Variants in GYPC observed in about 807,000 individuals in gnomAD.
GYPC encodes glycophorin C (Gerbich blood group).
In GYPC, 14 loss-of-function variants were observed where a neutral mutation model predicts 12.6. The observed-to-expected ratio is 1.11, with a 90% CI of 0.74 to 1.74. The LOEUF (loss-of-function observed/expected upper bound fraction) is 1.74, where lower values mean the gene tolerates loss of function less well. Among genes scored for constraint, GYPC ranks in the 40% most tolerant of loss-of-function variants. The pLI, the probability that GYPC is intolerant of heterozygous loss-of-function variation, is 0.00. For missense variants in GYPC, 225 were observed against 172.1 expected (o/e 1.31, Z -1.72); for synonymous variants, 78 against 62.1 (o/e 1.26, Z -1.20).
chr2:126,660,167 C>G (rs1418906149), intron 1 of GYPC, among the ~76,000 whole-genome samples: 1 of 152,214 alleles, frequency 6.6e-6, no homozygotes, highest in African/African-American at 2.4e-5. Flanking sequence ...TGCTGTGGCT[C>G]TGCACACTGA....
intron 2 of GYPC, among the ~76,000 whole-genome samples, chr2:126,691,791 A>T (rs1227828538): frequency 6.6e-6 from 1 of 152,202 alleles, no homozygotes; most frequent in Non-Finnish European, 1.5e-5. Context: ...GGAAGAGGAA[A>T]TAACAGTCTC....
intron 1 of GYPC, among the ~76,000 whole-genome samples, chr2:126,676,367 A>G (rs1682994853): frequency 6.6e-6 from 1 of 152,240 alleles, no homozygotes; most frequent in Non-Finnish European, 1.5e-5. Context: ...AAACAGCAGG[A>G]CTGGGCCAAT....
intron 1 of GYPC, chr2:126,686,725 T>A (rs980747984): frequency 5.1e-6 from 5 of 983,006 alleles, no homozygotes; most frequent in Admixed American, 1.2e-4. Flanking sequence ...GCTTGGGTCT[T>A]TCCAAAAAAT....
chr2:126,669,438 C>A (rs940665015), intron 1 of GYPC, among the ~76,000 whole-genome samples: 15 of 152,122 alleles, frequency 9.9e-5, no homozygotes, highest in Admixed American at 8.5e-4. Context: ...CCACCCCTCC[C>A]TCATATGTGC....
At chr2:126,680,933 T>C (rs1683134121) in intron 1 of GYPC, among the ~76,000 whole-genome samples, 1 of 152,096 alleles carries the variant, frequency 6.6e-6, no homozygotes, top group Non-Finnish European at 1.5e-5. Flanking sequence ...AGGCATCCAG[T>C]GGGAACCTGG....
chr2:126,691,871 C>G (rs13432961), intron 2 of GYPC, among the ~76,000 whole-genome samples: 46,928 of 151,982 alleles, frequency 0.31, 7,424 homozygotes, highest in Middle Eastern at 0.4. Context: ...TTTCTGAGGG[C>G]AGTTCTGGGT....
intron 2 of GYPC, among the ~76,000 whole-genome samples, chr2:126,691,315 A>C (rs1010135533): frequency 6.6e-6 from 1 of 152,074 alleles, no homozygotes; most frequent in African/African-American, 2.4e-5. Flanking sequence ...GTCCTGAGTG[A>C]TCTGACCCCT....
chr2:126,671,582 C>G (rs78412802), intron 1 of GYPC, among the ~76,000 whole-genome samples: 29 of 152,334 alleles, frequency 1.9e-4, no homozygotes, highest in African/African-American at 6.3e-4. Flanking sequence ...CAGTCATAAC[C>G]TGGTAGCTCC....
intron 2 of GYPC, among the ~76,000 whole-genome samples, chr2:126,690,518 C>T (rs35850561): frequency 6.6e-6 from 1 of 152,086 alleles, no homozygotes; most frequent in Non-Finnish European, 1.5e-5. Flanking sequence ...GAGGAGTCTA[C>T]CCCTGGGTAA....
At chr2:126,673,044 T>TACCCAGAAGGGTATTGGGAG (rs919638798) in intron 1 of GYPC, among the ~76,000 whole-genome samples, 1 of 152,016 alleles carries the variant, frequency 6.6e-6, no homozygotes, top group Non-Finnish European at 1.5e-5. Context: ...AGGATCCTAA[T>TACCCAGAAGGGTATTGGGAG]ACCCAGAAGG....
At chr2:126,685,810 C>CAA (rs1310938622) in intron 1 of GYPC, 3 of 985,140 alleles carry the variant, frequency 3.0e-6, no homozygotes, top group Non-Finnish European at 3.6e-6. Context: ...CTGTCATCAA[C>CAA]AAGGTTTGTC....
In GYPC at chr2:126,665,897, G is replaced by A. The variant is rs557372113; in HGVS notation, c.49+9585G>A. On this transcript the variant is annotated intron_variant, in intron 1 of 3. Coordinates refer to ENST00000259254, the MANE Select transcript of GYPC (RefSeq NM_002101.5). ...GTGCTTCCCTGTGCATCACTGACAC[G>A]CTCTCTCCTGGAAGCCAGGTGTGTC... Among the ~76,000 whole-genome samples, 7 of 152,264 alleles carry A rather than the reference G, an allele frequency of 4.6e-5. No homozygotes were observed. The East Asian group carries it at 1.2e-3, about 25-fold the overall frequency.
At chr2:126,694,510 A>G (rs1683584192) in intron 3 of GYPC, among the ~76,000 whole-genome samples, 1 of 152,076 alleles carries the variant, frequency 6.6e-6, no homozygotes, top group Admixed American at 6.5e-5. Flanking sequence ...CAGCTTATTA[A>G]TAACTCAGGA....
intron 1 of GYPC, among the ~76,000 whole-genome samples, chr2:126,660,629 G>A (rs537864290): frequency 6.6e-6 from 1 of 152,266 alleles, no homozygotes; most frequent in Admixed American, 6.5e-5. Flanking sequence ...GTCACAGACA[G>A]GGGTTTGCTG....
chr2:126,660,501 G>C (rs550297182), intron 1 of GYPC, among the ~76,000 whole-genome samples: 1 of 152,144 alleles, frequency 6.6e-6, no homozygotes, highest in Non-Finnish European at 1.5e-5. Context: ...CCTAGAAAAC[G>C]ACCCACCACA....
At chr2:126,656,616 G>A (rs1194578967) in intron 1 of GYPC, among the ~76,000 whole-genome samples, 2 of 152,260 alleles carry the variant, frequency 1.3e-5, no homozygotes, top group African/African-American at 4.8e-5. Flanking sequence ...CTTTGTGCGG[G>A]GCATGTGAAA....
At chr2:126,684,121 C>CAATT (rs1301567280) in intron 1 of GYPC, among the ~76,000 whole-genome samples, 1 of 152,190 alleles carries the variant, frequency 6.6e-6, no homozygotes, top group African/African-American at 2.4e-5. Flanking sequence ...AATTGCACAG[C>CAATT]ACCTTGGCAG....
chr2:126,665,279 T>C (rs939937243), intron 1 of GYPC, among the ~76,000 whole-genome samples: 1 of 152,234 alleles, frequency 6.6e-6, no homozygotes, highest in African/African-American at 2.4e-5. Flanking sequence ...GACTAGTTCA[T>C]ATAACTTTTA....
At chr2:126,695,503 T>C (rs952816531) in intron 3 of GYPC, among the ~76,000 whole-genome samples, 1 of 152,206 alleles carries the variant, frequency 6.6e-6, no homozygotes, top group Admixed American at 6.5e-5. Flanking sequence ...GTCTCCAGTG[T>C]ACACGGTTCA....
Sources: gnomAD v4.1 joint callset for allele counts (sites outside exome capture counted in the v4.1 genomes callset) on GRCh38, gnomAD v4.1.1 for gene constraint, MANE v1.5 for transcripts, NCBI Gene and HGNC (gene_info 2026-07-23, HGNC 2026-07-21) for gene names.